The following STAG1 variants were observed in gnomAD, a reference collection of about 807,000 sequenced individuals.
STAG1 encodes cohesin subunit SA-1.
A neutral mutation model predicts 170.9 loss-of-function variants in STAG1; 26 were observed. That is an observed-to-expected ratio of 0.15 (90% CI 0.11 to 0.21). STAG1 has a LOEUF of 0.21. Ranked by LOEUF, STAG1 falls within the 10% of genes least tolerant of loss-of-function variation. STAG1 has a pLI of 1.00. For missense variants in STAG1, 964 were observed against 1,509.5 expected, an observed-to-expected ratio of 0.64 and a Z score of 5.99; for synonymous variants, 514 against 497.7, an observed-to-expected ratio of 1.03 and a Z score of -0.44.
At chr3:136,554,228 C>G (rs1195600108) in intron 5 of STAG1, among the ~76,000 whole-genome samples, 1 of 151,914 alleles carries the variant, frequency 6.6e-6, no homozygotes, top group Non-Finnish European at 1.5e-5. Context: ...GAGAGAGAGA[C>G]AGACACAAGA....
In STAG1 at chr3:136,468,329, C is replaced by T. The variant is rs193207435; in HGVS notation, c.1206-3341G>A. On this transcript the variant is annotated intron_variant, in intron 12 of 33. Coordinates refer to ENST00000383202, the MANE Select transcript of STAG1 (RefSeq NM_005862.3). ...ATAAAAAAGGATAAAGGGGATATCA[C>T]CACCGATCCCACAGAAATACAAACT... is the stretch of plus-strand genomic sequence containing the variant. Among the ~76,000 whole-genome samples, 573 of 152,188 alleles carry T rather than the reference C, an allele frequency of 3.8e-3. 1 individual carries two copies. The highest frequency in any genetic ancestry group is 0.031 in the Middle Eastern group (9 of 294).
In STAG1 at chr3:136,377,667, T is replaced by C. The variant is rs772047172; in HGVS notation, c.2363A>G (p.Lys788Arg). 2 of 1,613,260 alleles carry C rather than the reference T, an allele frequency of 1.2e-6. No individual in the cohort carries two copies. The highest frequency in any genetic ancestry group is 2.2e-5 in the South Asian group (2 of 91,062). The change falls in exon 23 of 34, where the codon AAA becomes AGA. Residue 788 changes from lysine (K) to arginine (R), a missense_variant. Around this residue, in one of 11 missense-constraint regions of STAG1, gnomAD observed 232 missense variants for 313.0 expected, o/e 0.74. Coordinates refer to ENST00000383202, the MANE Select transcript of STAG1 (RefSeq NM_005862.3). ...TTACTGATAATTTCTTACCTGTTCT[T>C]TCACTGGAGTATTAACATTAGACAG... ...QCLSNVNTPV[K>R]EQAFMLLCDL...
At chr3:136,685,328 A>G (rs969249906) in intron 1 of STAG1, among the ~76,000 whole-genome samples, 1 of 151,778 alleles carries the variant, frequency 6.6e-6, no homozygotes, top group East Asian at 1.9e-4. Context: ...AAAACAAACA[A>G]ACAAACAAAC....
intron 1 of STAG1, chr3:136,736,958 T>C (rs144371381): frequency 1.9e-5 from 31 of 1,597,508 alleles, no homozygotes; most frequent in Admixed American, 1.2e-4. Context: ...TCAAAAGCCT[T>C]TTGTGCTCTG....
chr3:136,350,316 A>G lies in STAG1; in HGVS notation c.3066-953T>C, dbSNP rs114742465. Among the ~76,000 whole-genome samples the G allele has an allele frequency of 3.1e-3, 476 of 152,246 alleles. 6 individuals are homozygous for G. Among genetic ancestry groups the G allele is most frequent in the African/African-American group, 0.011 (460 of 41,544 alleles). ...GAAGATGGGGGTTCCCTCTCTCTCT[A>G]GTTCCCAGGCTACCCTGAAAGAAAG... On this transcript the variant is annotated intron_variant, in intron 28 of 33. Transcript: ENST00000383202.
chr3:136,623,936 C>T (rs893208542), intron 2 of STAG1, among the ~76,000 whole-genome samples: 1 of 151,788 alleles, frequency 6.6e-6, no homozygotes, highest in Non-Finnish European at 1.5e-5. Flanking sequence ...GGCAACAGGG[C>T]AATACTCTGT....
At position 136,336,414 on chromosome 3, in the gene STAG1, A is replaced by G. The variant is rs920376530; in HGVS notation, c.*1840T>C. The G allele has an allele frequency of 2.6e-5, 4 of 152,264 alleles. No individual in the cohort carries two copies. The highest frequency in any genetic ancestry group is 9.6e-5 in the African/African-American group (4 of 41,470). The allele number at this position is 152,264 out of a possible 1,614,324, so 9.4% of individuals were successfully genotyped here. On this transcript the variant is annotated 3_prime_UTR_variant, in exon 34 of 34. Coordinates refer to ENST00000383202, the MANE Select transcript of STAG1 (RefSeq NM_005862.3). ...AACTGAACTGGAAACCCATTGGAGT[A>G]GATATTTAGCCTTTTTGTGTGGCAT...
intron 1 of STAG1, among the ~76,000 whole-genome samples, chr3:136,671,373 A>G (rs1941975053): frequency 6.6e-6 from 1 of 152,172 alleles, no homozygotes; most frequent in Admixed American, 6.6e-5. Context: ...TTGTATACCT[A>G]TGACAGGCAG....
intron 14 of STAG1, among the ~76,000 whole-genome samples, chr3:136,448,370 C>A (rs566725795): frequency 6.6e-6 from 1 of 152,014 alleles, no homozygotes. Context: ...ATCCACATGA[C>A]CGGGGACGCC....
Position 136,357,106 on chromosome 3 carries a change from C to T in STAG1, c.3065+614G>A, listed in dbSNP as rs950316307. Among the ~76,000 whole-genome samples, 10 of 152,148 alleles carry T rather than the reference C, an allele frequency of 6.6e-5. No individual in the cohort carries two copies. The South Asian group carries it at 1.9e-3, about 28-fold the overall frequency. On this transcript the variant is annotated intron_variant, in intron 28 of 33. Transcript: ENST00000383202. ...GGGACTACAGGCACCCGCCACCACGCCCGGCTAATTTTTTTGTATTTTTAG... is the reference window on the plus strand; with the variant it reads ...GGGACTACAGGCACCCGCCACCACGTCCGGCTAATTTTTTTGTATTTTTAG...
chr3:136,419,687 C>T lies in STAG1; in HGVS notation c.2108+1406G>A, dbSNP rs1402864798. On this transcript the variant is annotated intron_variant, in intron 20 of 33. Coordinates refer to ENST00000383202, the MANE Select transcript of STAG1 (RefSeq NM_005862.3). ...CATCTTGGCCAGGCTGGTCTTGAACCCCTGGGCTCAAGTGATCCACCTATC... is the reference window on the plus strand; with the variant it reads ...CATCTTGGCCAGGCTGGTCTTGAACTCCTGGGCTCAAGTGATCCACCTATC... Among the ~76,000 whole-genome samples the T allele has an allele frequency of 2.7e-5, 4 of 150,780 alleles. No homozygotes were observed. The East Asian group carries it at 7.8e-4, about 29-fold the overall frequency.
At chr3:136,452,239 C>A in intron 13 of STAG1, 92 bp from the exon 14 acceptor site, 1 of 802,310 alleles carries the variant, frequency 1.2e-6, no homozygotes, top group Non-Finnish European at 2.1e-6. Flanking sequence ...TTAACAACAA[C>A]AACAACAAAA....
At chr3:136,664,675 A>G (rs535512070) in intron 1 of STAG1, among the ~76,000 whole-genome samples, 6 of 152,004 alleles carry the variant, frequency 3.9e-5, no homozygotes, top group Non-Finnish European at 8.8e-5. Flanking sequence ...AAAAAGAGCA[A>G]CTTTTTTTTT....
chr3:136,462,549 G>T (rs2089303917), intron 13 of STAG1, among the ~76,000 whole-genome samples: 1 of 152,084 alleles, frequency 6.6e-6, no homozygotes, highest in African/African-American at 2.4e-5. Flanking sequence ...AAGAGAGGTT[G>T]GTTAATGGGT....
At chr3:136,481,049 T>C (rs2089892153) in intron 9 of STAG1, among the ~76,000 whole-genome samples, 1 of 91,382 alleles carries the variant, frequency 1.1e-5, no homozygotes, top group African/African-American at 3.9e-5. Flanking sequence ...ACTTCCTCTT[T>C]TCCTAATTGA....
intron 6 of STAG1, among the ~76,000 whole-genome samples, chr3:136,528,475 C>A (rs1009386859): frequency 7.1e-6 from 1 of 141,280 alleles, no homozygotes; most frequent in Non-Finnish European, 1.5e-5. Flanking sequence ...AATAATTCCC[C>A]AGCAACAGAT....
intron 3 of STAG1, among the ~76,000 whole-genome samples, chr3:136,605,769 G>T (rs550908736): frequency 6.6e-6 from 1 of 152,302 alleles, no homozygotes; most frequent in South Asian, 2.1e-4. Context: ...TGACACTGAA[G>T]CTGGACCCTG....
chr3:136,565,583 T>A (rs1937046907), intron 5 of STAG1, among the ~76,000 whole-genome samples: 1 of 152,198 alleles, frequency 6.6e-6, no homozygotes, highest in African/African-American at 2.4e-5. Flanking sequence ...CTGGTGGGAA[T>A]ATAAGATGGT....
intron 25 of STAG1, 35 bp from the exon 26 acceptor site, chr3:136,363,502 T>C: frequency 5.4e-6 from 5 of 934,504 alleles, no homozygotes; most frequent in Non-Finnish European, 8.1e-6. Flanking sequence ...GGCTTTAAAA[T>C]TACTGACATT....
Sources: gnomAD v4.1 joint callset for allele counts (sites outside exome capture counted in the v4.1 genomes callset) on GRCh38, gnomAD v4.1.1 for gene constraint, gnomAD v4.1.1 regional missense constraint, MANE v1.5 for transcripts, NCBI Gene and HGNC (gene_info 2026-07-23, HGNC 2026-07-21) for gene names.